The following USP9X variants were observed in gnomAD, a reference collection of about 807,000 sequenced individuals.
USP9X encodes ubiquitin carboxyl-terminal hydrolase 9X.
A neutral mutation model predicts 190.3 loss-of-function variants in USP9X; 7 were observed. That is an observed-to-expected ratio of 0.04 (90% confidence interval 0.02 to 0.07). The LOEUF (loss-of-function observed/expected upper bound fraction) is 0.07. Ranked by LOEUF, USP9X falls within the 10% of genes least tolerant of loss-of-function variation. The pLI is 1.00. For missense variants in USP9X, 1,010 were observed against 1,916.9 expected (o/e 0.53, Z 8.83); for synonymous variants, 645 against 659.5 (o/e 0.98, Z 0.34).
At chrX:41,227,696 G>A (rs2063325572) in intron 41 of USP9X, among the ~76,000 whole-genome samples, 1 of 110,177 alleles carries the variant, frequency 9.1e-6, no homozygotes, top group African/African-American at 3.3e-5. Context: ...ACCACTATCT[G>A]ATTCCAGAAC....
At chrX:41,125,684 A>ACACACACACACACACACACTCT in intron 2 of USP9X, among the ~76,000 whole-genome samples, 13 of 19,025 alleles carry the variant, frequency 6.8e-4, no homozygotes, top group East Asian at 3.9e-3. Context: ...ACACACACAC[A>ACACACACACACACACACACTCT]CTCTCTCTCT....
At chrX:41,102,047 AAGT>A (rs950743427) in intron 1 of USP9X, among the ~76,000 whole-genome samples, 1 of 111,318 alleles carries the variant, frequency 9.0e-6, no homozygotes, top group African/African-American at 3.3e-5. Flanking sequence ...GGTGATGAAA[AAGT>A]AATCTGAGAT....
At chrX:41,162,233 G>C (rs956338382) in intron 14 of USP9X, among the ~76,000 whole-genome samples, 2 of 111,853 alleles carry the variant, frequency 1.8e-5, no homozygotes, top group African/African-American at 6.5e-5. Flanking sequence ...TCTGGGATCT[G>C]ATATGGAAAT....
intron 26 of USP9X, among the ~76,000 whole-genome samples, chrX:41,195,062 G>T (rs1390966432): frequency 1.1e-5 from 1 of 87,449 alleles, no homozygotes; most frequent in Non-Finnish European, 2.2e-5. Flanking sequence ...TTTGGAGATG[G>T]ATTCTTGCTC....
At position 41,216,057 on chromosome X, in the gene USP9X, A is replaced by G. The variant is rs1489898238; in HGVS notation, c.5490A>G (p.Ala1830=). 1.7e-6 allele frequency: 2 copies of G among 1,211,828 alleles called. No individual in the cohort carries two copies. Among genetic ancestry groups the G allele is most frequent in the South Asian group, 3.5e-5 (2 of 57,005 alleles). Residue 1830 remains alanine, a synonymous_variant, in exon 35 of 45, where the codon GCA becomes GCG. Transcript: ENST00000378308. ...RELDMEPYTV[A]GVAKLEGDNV... ...TGGACATGGAACCTTACACAGTTGC[A>G]GGTGTCGCAAAGCTGGAAGGGGATA...
chrX:41,181,310 A>T (rs1602007229), intron 21 of USP9X, among the ~76,000 whole-genome samples: 1 of 85,439 alleles, frequency 1.2e-5, no homozygotes. Flanking sequence ...AGAGGGCCTT[A>T]CTCTGTGTCC....
intron 6 of USP9X, among the ~76,000 whole-genome samples, chrX:41,138,570 A>C (rs955124098): frequency 9.0e-6 from 1 of 111,500 alleles, no homozygotes; most frequent in African/African-American, 3.3e-5. Flanking sequence ...TTCTACTTCA[A>C]ATTCTCTCTA....
chrX:41,157,304 A>G (rs2062587562), intron 14 of USP9X, among the ~76,000 whole-genome samples: 1 of 111,553 alleles, frequency 9.0e-6, no homozygotes, highest in African/African-American at 3.3e-5. Context: ...TCTCCGAATG[A>G]GCATAGGACA....
intron 1 of USP9X, among the ~76,000 whole-genome samples, chrX:41,119,676 A>G (rs928145575): frequency 1.8e-5 from 2 of 112,560 alleles, no homozygotes; most frequent in African/African-American, 6.5e-5. Flanking sequence ...ATAATTATTC[A>G]CATATTAGCC....
chrX:41,180,383 A>T (rs757255097), intron 21 of USP9X, among the ~76,000 whole-genome samples: 7 of 112,833 alleles, frequency 6.2e-5, no homozygotes, highest in Non-Finnish European at 9.4e-5. Flanking sequence ...TTGGCGCTTA[A>T]TGCCACCAGA....
intron 1 of USP9X, among the ~76,000 whole-genome samples, chrX:41,106,873 CTTTCT>C (rs1237747366): frequency 2.1e-5 from 2 of 93,361 alleles, no homozygotes; most frequent in South Asian, 5.2e-4. Context: ...AGTTTTCTTT[CTTTCT>C]TTTCTTTTCT....
At chrX:41,162,468 C>G (rs974960099) in intron 14 of USP9X, among the ~76,000 whole-genome samples, 7 of 112,227 alleles carry the variant, frequency 6.2e-5, no homozygotes, top group African/African-American at 1.9e-4. Flanking sequence ...TCTTCCTTAT[C>G]AGTTCATAGA....
At chrX:41,125,684 A>ACACACACACACACCCT in intron 2 of USP9X, among the ~76,000 whole-genome samples, 1 of 19,027 alleles carries the variant, frequency 5.3e-5, no homozygotes, top group African/African-American at 2.2e-4. Flanking sequence ...ACACACACAC[A>ACACACACACACACCCT]CTCTCTCTCT....
At position 41,169,144 on chromosome X, in the gene USP9X, A is replaced by AT. The variant is rs769389002; in HGVS notation, c.2637-840dup. On this transcript the variant is annotated intron_variant, in intron 18 of 44. Transcript: ENST00000378308. ...GGTAAACTCTACCTTCTTTTTTTGA[A>AT]TTTTTTTTTTTATTAATACAAGGTC... 5.8e-3 allele frequency among the ~76,000 whole-genome samples: 608 copies of AT among 105,715 alleles called. 2 individuals are homozygous for AT. The highest frequency in any genetic ancestry group is 0.017 in the African/African-American group (487 of 29,222). 91.8% of individuals were successfully genotyped at this position (105,715 alleles called of 115,157 possible).
chrX:41,138,453 C>T (rs1319604749), intron 6 of USP9X, among the ~76,000 whole-genome samples: 1 of 112,118 alleles, frequency 8.9e-6, no homozygotes, highest in Non-Finnish European at 1.9e-5. Flanking sequence ...TAATGAGTTT[C>T]ATTTACCTTT....
At chrX:41,137,159 C>T (rs1159624778) in intron 6 of USP9X, 137 bp downstream of exon 6, 2 of 577,040 alleles carry the variant, frequency 3.5e-6, no homozygotes, top group East Asian at 3.7e-5. Flanking sequence ...GAGCCTTTTT[C>T]GTAGCTTTGT....
chrX:41,207,829 C>A (rs2063118200), intron 32 of USP9X, among the ~76,000 whole-genome samples: 1 of 110,380 alleles, frequency 9.1e-6, no homozygotes, highest in South Asian at 3.9e-4. Flanking sequence ...TTACTCTGTA[C>A]TAGTGTCTTG....
intron 1 of USP9X, among the ~76,000 whole-genome samples, chrX:41,115,887 T>C (rs757463688): frequency 2.7e-5 from 3 of 111,938 alleles, no homozygotes; most frequent in Admixed American, 1.9e-4. Flanking sequence ...TAGGGCAAAT[T>C]TTAGCAGAGT....
At position 41,224,935 on chromosome X, in the gene USP9X, T is replaced by G. The variant is rs1313824598; in HGVS notation, c.6945T>G (p.Ser2315=). 1.7e-6 allele frequency: 2 copies of G among 1,210,875 alleles called. No individual in the cohort carries two copies. The highest frequency in any genetic ancestry group is 3.5e-5 in the African/African-American group (2 of 57,482). Residue 2315 remains serine, a synonymous_variant, in exon 40 of 45, where the codon TCT becomes TCG. Coordinates refer to ENST00000378308, the MANE Select transcript of USP9X (RefSeq NM_001039591.3). ...GCTGGGAGAATCCTCAGTTCTCATC[T>G]ACTGTCCTCAGTGAACTTCTCTGGC... The part of the protein sequence containing the change: ...FCCWENPQFS[S]TVLSELLWQV...
Sources: allele counts gnomAD v4.1 joint callset (sites outside exome capture counted in the v4.1 genomes callset), GRCh38; gene constraint gnomAD v4.1.1; transcripts MANE v1.5; gene names NCBI Gene and HGNC (gene_info 2026-07-23, HGNC 2026-07-21).